The following RRBP1 variants were observed in gnomAD, a reference collection of about 807,000 sequenced individuals.
RRBP1 encodes ribosome-binding protein 1.
In RRBP1, 94 loss-of-function variants were observed where a neutral mutation model predicts 165.2. The ratio of observed to expected loss-of-function variants is 0.57; its 90% CI spans 0.48 to 0.68. RRBP1 has a LOEUF of 0.68. Among genes scored for constraint, RRBP1 ranks in the 30% least tolerant of loss-of-function variants. The probability of loss-of-function intolerance (pLI) is 0.00; values close to 1 mark genes in which losing one functional copy is unlikely to be tolerated. For synonymous variants in RRBP1, 680 were observed against 714.5 expected (o/e 0.95, Z 0.77); for missense variants, 1,676 against 1,763.0 (o/e 0.95, Z 0.88).
chr20:17,664,504 G>GTA (rs553648792), intron 2 of RRBP1, among the ~76,000 whole-genome samples: 156 of 152,368 alleles, frequency 1.0e-3, no homozygotes, highest in African/African-American at 3.6e-3. Flanking sequence ...AGGGAAGGAT[G>GTA]TAGGAGGCTG....
rs555951069 is a variant in RRBP1 at position 17,636,586 on chromosome 20, C to A, written c.2328G>T (p.Leu776=). 7 of 1,611,676 alleles carry A rather than the reference C, an allele frequency of 4.3e-6. No homozygotes were observed. The Admixed American group carries it at 5.0e-5, about 12-fold the overall frequency. ...CAGCCACTACACCCACCTTGCCCTG[C>A]AGCTGCTGCACCTCCTTCACGTGCT... is the stretch of plus-strand genomic sequence containing the variant. ...YREHVKEVQQ[L]QGKIRTLQEQ... is the part of the protein sequence containing the mutation. The change falls in exon 6 of 25, where the codon CTG becomes CTT. Residue 776 remains leucine (L), a synonymous_variant. Coordinates refer to ENST00000377813, the MANE Select transcript of RRBP1 (RefSeq NM_001365613.2).
chr20:17,627,408 G>C (rs200585304), intron 10 of RRBP1, 26 bp from the exon 11 acceptor site: 41 of 1,613,414 alleles, frequency 2.5e-5, no homozygotes, highest in Non-Finnish European at 3.3e-5. Context: ...AAAGCTCCTT[G>C]GTCTCCAGGA....
rs544839752 is a variant in RRBP1 at position 17,614,100 on chromosome 20, G to A, written c.*82C>T. 4 of 1,396,972 alleles carry A rather than the reference G, an allele frequency of 2.9e-6. No individual in the cohort carries two copies. The highest frequency in any genetic ancestry group is 4.1e-6 in the Non-Finnish European group (4 of 983,038). The allele number at this position is 1,396,972 out of a possible 1,614,324, so 86.5% of individuals were successfully genotyped here. A position where few individuals can be genotyped will look rare whatever the true frequency, so the allele number is the denominator to read the frequency against. ...GGAAGTTGGGCCTGGATAACGCTGTGTAGGTTGGTTGGTTTATTTGTAAGG... is the reference window on the plus strand; with the variant it reads ...GGAAGTTGGGCCTGGATAACGCTGTATAGGTTGGTTGGTTTATTTGTAAGG... On this transcript the variant is annotated 3_prime_UTR_variant, in exon 25 of 25. Transcript: ENST00000377813.
At chr20:17,653,542 CA>C (rs1389135348) in intron 3 of RRBP1, among the ~76,000 whole-genome samples, 1 of 152,226 alleles carries the variant, frequency 6.6e-6, no homozygotes, top group African/African-American at 2.4e-5. Flanking sequence ...ACGCCAAGAA[CA>C]GCCTGGCCCT....
In RRBP1 at chr20:17,618,693, C is replaced by G; in HGVS notation, c.3676-14G>C. ...AAGTTGCCTCAGCTTGGGGAGAAAA[C>G]AGAGGCGGGTGATGGGAAAAAAGGA... On this transcript the variant is annotated splice_polypyrimidine_tract_variant and intron_variant, in intron 19 of 24. Coordinates refer to ENST00000377813, the MANE Select transcript of RRBP1 (RefSeq NM_001365613.2). 2 of 1,605,380 alleles carry G rather than the reference C, an allele frequency of 1.2e-6. No homozygotes were observed. Among genetic ancestry groups the G allele is most frequent in the Non-Finnish European group, 1.7e-6 (2 of 1,172,452 alleles).
At chr20:17,674,767 G>A (rs1166781324) in intron 2 of RRBP1, among the ~76,000 whole-genome samples, 1 of 151,918 alleles carries the variant, frequency 6.6e-6, no homozygotes, top group Non-Finnish European at 1.5e-5. Context: ...CAAAAAAAAA[G>A]AATTCTCCCT....
At position 17,660,046 on chromosome 20, in the gene RRBP1, G is replaced by A. The variant is rs1166549202; in HGVS notation, c.462C>T (p.Ser154=). 5 of 1,613,712 alleles carry A rather than the reference G, an allele frequency of 3.1e-6. No homozygotes were observed. The highest frequency in any genetic ancestry group is 4.2e-6 in the Non-Finnish European group (5 of 1,179,834). ...GAACCTGGATGGAATTCACTACAGA[G>A]CTGACAGCTGGTTCCACTTTTGCCA... ...KKVAKVEPAV[S]SVVNSIQVLT... Residue 154 remains serine (S), a synonymous_variant, in exon 3 of 25, where the codon AGC becomes AGT. Coordinates refer to ENST00000377813, the MANE Select transcript of RRBP1 (RefSeq NM_001365613.2).
At chr20:17,676,315 G>A (rs1241675910) in intron 2 of RRBP1, among the ~76,000 whole-genome samples, 1 of 152,218 alleles carries the variant, frequency 6.6e-6, no homozygotes, top group African/African-American at 2.4e-5. Flanking sequence ...GGGACCTGCT[G>A]CGTACAGGGT....
chr20:17,656,439 C>T (rs1411743724), intron 3 of RRBP1, among the ~76,000 whole-genome samples: 1 of 152,122 alleles, frequency 6.6e-6, no homozygotes, highest in African/African-American at 2.4e-5. Flanking sequence ...CTATTTCATC[C>T]AAACCTTAAA....
Position 17,620,702 on chromosome 20 carries a change from G to T in RRBP1, c.3507+13C>A. On this transcript the variant is annotated intron_variant, in intron 17 of 24. Transcript: ENST00000377813. ...GCTCCACGGCGCCGGGAGGCAGGCA[G>T]GGCTGCATATACCTTCTGGAGCTCC... The T allele has an allele frequency of 6.3e-7, 1 of 1,597,754 alleles. No homozygotes were observed. The highest frequency in any genetic ancestry group is 1.1e-5 in the South Asian group (1 of 90,856).
At chr20:17,640,423 T>C (rs1443180571) in intron 5 of RRBP1, among the ~76,000 whole-genome samples, 1 of 151,096 alleles carries the variant, frequency 6.6e-6, no homozygotes, top group Non-Finnish European at 1.5e-5. Flanking sequence ...AGGGAAGAGG[T>C]GAGGCCAGAG....
At chr20:17,645,761 C>T (rs547376453) in intron 3 of RRBP1, among the ~76,000 whole-genome samples, 7 of 152,290 alleles carry the variant, frequency 4.6e-5, no homozygotes, top group Admixed American at 6.5e-5. Context: ...AGTAATCTTC[C>T]GAATTGTGAA....
chr20:17,614,013 C>T lies in RRBP1; in HGVS notation c.*169G>A. On this transcript the variant is annotated 3_prime_UTR_variant, in exon 25 of 25. Transcript: ENST00000377813. ...ACAGGTTCATTTACAAACTGGGGCT[C>T]TGGAAGGTCTACTTCTGTGGCTCTA... 1 of 664,290 alleles carries T rather than the reference C, an allele frequency of 1.5e-6. No individual in the cohort carries two copies. Among genetic ancestry groups the T allele is most frequent in the Admixed American group, 2.4e-5 (1 of 41,336 alleles). 41.1% of individuals were successfully genotyped at this position (664,290 alleles called of 1,614,324 possible). A position where few individuals can be genotyped will look rare whatever the true frequency, so the allele number is the denominator to read the frequency against.
intron 21 of RRBP1, 61 bp from the exon 22 acceptor site, chr20:17,616,070 G>A (rs2035794866): frequency 7.0e-7 from 1 of 1,433,632 alleles, no homozygotes; most frequent in Non-Finnish European, 9.6e-7. Flanking sequence ...GGGGCCCAGG[G>A]ATCCAGCACA....
At chr20:17,619,254 G>C (rs1357880313) in intron 19 of RRBP1, 1 of 200,258 alleles carries the variant, frequency 5.0e-6, no homozygotes, top group Non-Finnish European at 1.0e-5. Context: ...TGGGATACTG[G>C]GCTTGTGCTT....
At chr20:17,670,395 G>A (rs1440736018) in intron 2 of RRBP1, among the ~76,000 whole-genome samples, 2 of 143,734 alleles carry the variant, frequency 1.4e-5, no homozygotes, top group Admixed American at 1.4e-4. Context: ...AGTAGTGTAG[G>A]ATTCTTTTTT....
Position 17,658,929 on chromosome 20 carries a change from C to T in RRBP1, c.1579G>A (p.Gly527Ser), listed in dbSNP as rs1393774918. The T allele has an allele frequency of 1.2e-6, 2 of 1,613,092 alleles. No individual in the cohort carries two copies. Among genetic ancestry groups the T allele is most frequent in the Admixed American group, 1.7e-5 (1 of 60,024 alleles). ...NQGKKTEGAQ[G>S]KKAERSPNQG... ...TTGGGACTCCTTTCTGCCTTTTTGCCCTGAGCCCCTTCTGTCTTTTTACCC... is the reference window on the plus strand; with the variant it reads ...TTGGGACTCCTTTCTGCCTTTTTGCTCTGAGCCCCTTCTGTCTTTTTACCC... The change falls in exon 3 of 25, where the codon GGC becomes AGC. Residue 527 changes from glycine to serine, a missense_variant. Physicochemically the swap from Gly to Ser is moderately conservative, Grantham distance 56. Around this residue, in one of 5 missense-constraint regions of RRBP1, gnomAD observed 1,184 missense variants for 1,167.1 expected, o/e 1.01. Transcript: ENST00000377813.
intron 1 of RRBP1, among the ~76,000 whole-genome samples, chr20:17,680,929 C>G (rs994455332): frequency 6.6e-6 from 1 of 152,122 alleles, no homozygotes; most frequent in Non-Finnish European, 1.5e-5. Flanking sequence ...AATGGAGACC[C>G]CGAACGAAAC....
At chr20:17,627,202 C>T (rs567236797) in intron 11 of RRBP1, 146 bp downstream of exon 11, 15 of 761,732 alleles carry the variant, frequency 2.0e-5, no homozygotes, top group East Asian at 8.2e-5. Flanking sequence ...TCTAAATCAC[C>T]GGAGGATGGG....
Sources: allele counts gnomAD v4.1 joint callset (sites outside exome capture counted in the v4.1 genomes callset), GRCh38; gene constraint gnomAD v4.1.1; regional missense constraint gnomAD v4.1.1; transcripts MANE v1.5; gene names NCBI Gene and HGNC (gene_info 2026-07-23, HGNC 2026-07-21).